Variants in RHOH observed in about 807,000 individuals in gnomAD.
The protein encoded by RHOH is rho-related GTP-binding protein RhoH.
A neutral mutation model predicts 13.8 loss-of-function variants in RHOH; 6 were observed. The observed-to-expected ratio is 0.44, with a 90% CI of 0.24 to 0.86. The LOEUF is 0.86. Ranked by LOEUF, RHOH falls within the 40% of genes least tolerant of loss-of-function variation. The pLI is 0.24. For synonymous variants in RHOH, 117 were observed against 103.0 expected, an observed-to-expected ratio of 1.14 and a Z score of -0.82; for missense variants, 147 against 244.5, an observed-to-expected ratio of 0.60 and a Z score of 2.66.
At chr4:40,226,496 A>G (rs1203276500) in intron 1 of RHOH, among the ~76,000 whole-genome samples, 1 of 150,662 alleles carries the variant, frequency 6.6e-6, no homozygotes, top group Admixed American at 6.6e-5. Flanking sequence ...ATTGCACTCC[A>G]GCCTGGGTAA....
chr4:40,237,054 T>C (rs1728667931), intron 1 of RHOH, among the ~76,000 whole-genome samples: 1 of 152,234 alleles, frequency 6.6e-6, no homozygotes, highest in Non-Finnish European at 1.5e-5. Flanking sequence ...ATTTGTTAGA[T>C]AGTGAAAACT....
At chr4:40,209,750 C>T (rs1725040732) in intron 1 of RHOH, 1 of 152,134 alleles carries the variant, frequency 6.6e-6, no homozygotes, top group Non-Finnish European at 1.5e-5. Flanking sequence ...TCAAGAGATC[C>T]TTTAAGAAGC....
chr4:40,238,193 G>A (rs1290439475), intron 1 of RHOH, among the ~76,000 whole-genome samples: 1 of 151,510 alleles, frequency 6.6e-6, no homozygotes, highest in Middle Eastern at 3.2e-3. Context: ...ATCTGGCGGG[G>A]GCATCTGATC....
upstream of RHOH, among the ~76,000 whole-genome samples, chr4:40,193,443 C>T (rs1579204638): frequency 7.3e-6 from 1 of 136,162 alleles, no homozygotes; most frequent in East Asian, 2.6e-4. Context: ...CTCACCACTA[C>T]CCCTGTCGGT....
At chr4:40,194,687 T>G (rs1722945198), upstream of RHOH, among the ~76,000 whole-genome samples, 1 of 152,144 alleles carries the variant, frequency 6.6e-6, no homozygotes. Flanking sequence ...ATGAAGTCAT[T>G]TTTCATCTCT....
chr4:40,230,648 C>T (rs1356101414), intron 1 of RHOH, among the ~76,000 whole-genome samples: 7 of 151,876 alleles, frequency 4.6e-5, no homozygotes, highest in African/African-American at 1.2e-4. Context: ...CGTGAGCCAC[C>T]GCGCCTGGCT....
chr4:40,206,951 G>A (rs1432603579), intron 1 of RHOH, among the ~76,000 whole-genome samples: 1 of 152,202 alleles, frequency 6.6e-6, no homozygotes, highest in Non-Finnish European at 1.5e-5. Context: ...GCTCATGCCT[G>A]TAATCCCAGC....
At chr4:40,223,887 C>T in intron 1 of RHOH, among the ~76,000 whole-genome samples, 1 of 151,310 alleles carries the variant, frequency 6.6e-6, no homozygotes, top group Non-Finnish European at 1.5e-5. Context: ...ATTCTCCTGC[C>T]TCAGCCTCCC....
At chr4:40,212,534 C>T (rs1441432427) in intron 1 of RHOH, 2 of 152,146 alleles carry the variant, frequency 1.3e-5, no homozygotes, top group Non-Finnish European at 2.9e-5. Context: ...CCTCACCTCT[C>T]TTTTGTATAT....
chr4:40,199,332 C>A (rs564437805), intron 1 of RHOH, among the ~76,000 whole-genome samples: 37 of 152,184 alleles, frequency 2.4e-4, no homozygotes, highest in Non-Finnish European at 4.9e-4. Flanking sequence ...GAGCAAGAAG[C>A]CTGCAAAGCT....
At chr4:40,192,503 C>T (rs1335569652), upstream of RHOH, among the ~76,000 whole-genome samples, 1 of 152,144 alleles carries the variant, frequency 6.6e-6, no homozygotes, top group East Asian at 1.9e-4. Flanking sequence ...TTTTCGCTGG[C>T]GTAAGTGGCA....
intron 1 of RHOH, among the ~76,000 whole-genome samples, chr4:40,221,763 A>T (rs754853663): frequency 1.3e-5 from 2 of 152,210 alleles, no homozygotes; most frequent in African/African-American, 2.4e-5. Flanking sequence ...AGGAAGAGTC[A>T]TGTGTCTCTC....
intron 1 of RHOH, among the ~76,000 whole-genome samples, chr4:40,215,492 G>A (rs902326672): frequency 1.3e-5 from 2 of 152,106 alleles, no homozygotes; most frequent in South Asian, 2.1e-4. Flanking sequence ...GTCCTCCCTC[G>A]CTCCCTCCTT....
chr4:40,228,166 GAATGTTAAATTAAGACCTA>G (rs1363799263), intron 1 of RHOH, among the ~76,000 whole-genome samples: 3 of 152,074 alleles, frequency 2.0e-5, no homozygotes, highest in African/African-American at 7.2e-5. Context: ...TCTTGACATA[GAATGTTAAATTAAGACCTA>G]AATGTTAAAT....
chr4:40,232,626 G>C (rs1251106545), intron 1 of RHOH, among the ~76,000 whole-genome samples: 2 of 152,120 alleles, frequency 1.3e-5, no homozygotes, highest in Non-Finnish European at 2.9e-5. Context: ...GAGTCAGCTG[G>C]AGCTAATAGT....
In RHOH at chr4:40,244,088, A is replaced by T. The variant is rs1400202892; in HGVS notation, c.*126A>T. On this transcript the variant is annotated 3_prime_UTR_variant, in exon 3 of 3. Transcript: ENST00000381799. ...CACCCCAAGCAGCGTCTCCTTTTGG[A>T]TACAGTTATTGATGAGGCTTGGCCA... The T allele has an allele frequency of 3.0e-5, 22 of 743,226 alleles. No homozygotes were observed. The highest frequency in any genetic ancestry group is 6.6e-6 in the Non-Finnish European group (3 of 455,892). The allele number at this position is 743,226 out of a possible 1,614,324, so 46.0% of individuals were successfully genotyped here.
rs1475066384 is a variant in RHOH at position 40,245,238 on chromosome 4, C to T, written c.*1276C>T. 1.3e-5 allele frequency: 2 copies of T among 152,162 alleles called. No homozygotes were observed. The highest frequency in any genetic ancestry group is 2.9e-5 in the Non-Finnish European group (2 of 68,040). The allele number at this position is 152,162 out of a possible 1,614,324, so 9.4% of individuals were successfully genotyped here. A position where few individuals can be genotyped will look rare whatever the true frequency, so the allele number is the denominator to read the frequency against. On this transcript the variant is annotated 3_prime_UTR_variant, in exon 3 of 3. Coordinates refer to ENST00000381799, the MANE Select transcript of RHOH (RefSeq NM_004310.5). ...TGTTAAAGTGGAGAACAGAGGACTA[C>T]ATAACTTAAGGTAGAAATTGCAAAG...
intron 1 of RHOH, among the ~76,000 whole-genome samples, chr4:40,241,578 G>A (rs1579345854): frequency 6.6e-6 from 1 of 152,184 alleles, no homozygotes; most frequent in African/African-American, 2.4e-5. Flanking sequence ...AACAGGGACA[G>A]TGGGTTGACG....
chr4:40,204,211 A>C (rs4389590), intron 1 of RHOH, among the ~76,000 whole-genome samples: 116,274 of 152,128 alleles, frequency 0.76, 44,730 homozygotes, highest in East Asian at 0.95. Flanking sequence ...GCTCTTCTTA[A>C]AGTGGAGATG....
Sources: gnomAD v4.1 joint callset for allele counts (sites outside exome capture counted in the v4.1 genomes callset) on GRCh38, gnomAD v4.1.1 for gene constraint, MANE v1.5 for transcripts, NCBI Gene and HGNC (gene_info 2026-07-23, HGNC 2026-07-21) for gene names.